Variants in SAP130 observed in about 807,000 individuals in gnomAD.
SAP130 encodes histone deacetylase complex subunit SAP130.
Under a neutral mutation model 103.2 loss-of-function variants are expected in SAP130, and 16 were observed. The observed-to-expected ratio is 0.16, with a 90% confidence interval of 0.10 to 0.24. SAP130 has a LOEUF of 0.24. SAP130 is among the 10% of genes least tolerant of loss of function. The pLI, the probability that SAP130 is intolerant of heterozygous loss-of-function variation, is 1.00. For missense variants in SAP130, 990 were observed against 1,359.7 expected (o/e 0.73, Z 4.28); for synonymous variants, 477 against 497.0 (o/e 0.96, Z 0.53).
rs1685649769 is a variant in SAP130, at chr2:128,028,056, C to T, written c.-123G>A. The T allele has an allele frequency of 2.4e-6, 2 of 837,950 alleles. No individual in the cohort carries two copies. The highest frequency in any genetic ancestry group is 2.9e-6 in the Non-Finnish European group (2 of 694,856). The allele number at this position is 837,950 out of a possible 1,614,324, so 51.9% of individuals were successfully genotyped here. The stretch of plus-strand genomic sequence containing the variant: ...CGCAGCCACCGCCGGGGAGCTAGCA[C>T]TCTGCCCCCCACCCCTCACTCCAGC... On this transcript the variant is annotated 5_prime_UTR_variant, in exon 1 of 21. In the 5' UTR this introduces an upstream ATG that the reference lacks. Coordinates refer to ENST00000643581, the MANE Select transcript of SAP130 (RefSeq NM_001330301.2).
chr2:128,021,243 T>C (rs972078511), intron 2 of SAP130, among the ~76,000 whole-genome samples: 7 of 151,822 alleles, frequency 4.6e-5, no homozygotes, highest in African/African-American at 1.7e-4. Context: ...AGTCAGGAGT[T>C]TGAGACCAGC....
At chr2:127,948,951 G>A (rs1679311065) in intron 18 of SAP130, among the ~76,000 whole-genome samples, 1 of 152,102 alleles carries the variant, frequency 6.6e-6, no homozygotes, top group African/African-American at 2.4e-5. Context: ...GATGTTTAGT[G>A]GTTCATATCC....
chr2:127,995,261 T>C (rs540904270), intron 11 of SAP130, among the ~76,000 whole-genome samples: 2 of 152,310 alleles, frequency 1.3e-5, no homozygotes, highest in African/African-American at 4.8e-5. Flanking sequence ...AGGGGCTCCT[T>C]GGAGAAACAG....
chr2:127,956,313 T>G (rs1480893091), intron 15 of SAP130, among the ~76,000 whole-genome samples: 1 of 152,184 alleles, frequency 6.6e-6, no homozygotes, highest in Non-Finnish European at 1.5e-5. Flanking sequence ...TGTAATAGCC[T>G]TTATGAAAAT....
chr2:127,941,835 A>AGCTCTGATCCGT lies in SAP130; in HGVS notation c.*170_*171insACGGATCAGAGC, dbSNP rs1678733221. ...AGAAGGCAGCTCACTATGTCCAGTCAGCTCTGATCCTTTCACGCCCTTGGA... is the reference window on the plus strand; with the variant it reads ...AGAAGGCAGCTCACTATGTCCAGTCAGCTCTGATCCGTGCTCTGATCCTTTCACGCCCTTGGA... On this transcript the variant is annotated 3_prime_UTR_variant, in exon 21 of 21. Transcript: ENST00000643581. 1 of 628,024 alleles carries AGCTCTGATCCGT rather than the reference A, an allele frequency of 1.6e-6. No individual in the cohort carries two copies. The highest frequency in any genetic ancestry group is 2.7e-6 in the Non-Finnish European group (1 of 367,482). The allele number at this position is 628,024 out of a possible 1,614,324, so 38.9% of individuals were successfully genotyped here. A position where few individuals can be genotyped will look rare whatever the true frequency, so the allele number is the denominator to read the frequency against.
intron 15 of SAP130, among the ~76,000 whole-genome samples, chr2:127,959,270 CA>C (rs757880199): frequency 6.6e-6 from 1 of 151,152 alleles, no homozygotes; most frequent in African/African-American, 2.4e-5. Context: ...AGAGCAGAGA[CA>C]AAAAAAAGTC....
chr2:128,011,790 T>C (rs1684414308), intron 6 of SAP130, among the ~76,000 whole-genome samples: 2 of 152,206 alleles, frequency 1.3e-5, no homozygotes, highest in African/African-American at 4.8e-5. Flanking sequence ...ACCTCCTGTA[T>C]GTGATTCAGC....
At chr2:127,999,647 G>A in intron 10 of SAP130, 94 bp downstream of exon 10, 3 of 578,790 alleles carry the variant, frequency 5.2e-6, no homozygotes, top group South Asian at 5.1e-5. Flanking sequence ...ATCAACAATG[G>A]TAAAAATCAA....
Position 127,941,700 on chromosome 2 carries a change from T to C in SAP130, c.*306A>G. On this transcript the variant is annotated 3_prime_UTR_variant, in exon 21 of 21. Transcript: ENST00000643581. ...AAATACAGTCTATAAACCGGAAGGC[T>C]GAAAAACACCAGCCAGCCATCCTTG... 8.0e-6 allele frequency: 3 copies of C among 374,638 alleles called. No homozygotes were observed. Among genetic ancestry groups the C allele is most frequent in the Non-Finnish European group, 1.4e-5 (3 of 209,322 alleles). 23.2% of individuals were successfully genotyped at this position (374,638 alleles called of 1,614,324 possible).
At chr2:127,985,022 C>A (rs1273153848) in intron 14 of SAP130, among the ~76,000 whole-genome samples, 1 of 152,246 alleles carries the variant, frequency 6.6e-6, no homozygotes, top group Non-Finnish European at 1.5e-5. Context: ...TGGTTCTCAA[C>A]TTTCCCCTAC....
At position 127,975,871 on chromosome 2, in the gene SAP130, C is replaced by G. The variant is rs185453798; in HGVS notation, c.2063+2114G>C. Among the ~76,000 whole-genome samples the G allele has an allele frequency of 9.1e-3, 1,387 of 152,214 alleles. 9 individuals are homozygous for G. The highest frequency in any genetic ancestry group is 0.012 in the Non-Finnish European group (812 of 67,996). ...CATTTAATGAAGTCTTGGAGATGTT[C>G]CACGACACTGTCACCCAGGCTGGAG... On this transcript the variant is annotated intron_variant, in intron 15 of 20. Coordinates refer to ENST00000643581, the MANE Select transcript of SAP130 (RefSeq NM_001330301.2).
At position 127,955,249 on chromosome 2, in the gene SAP130, A is replaced by G; in HGVS notation, c.2159T>C (p.Ile720Thr). The G allele has an allele frequency of 6.2e-7, 1 of 1,614,104 alleles. No homozygotes were observed. Among genetic ancestry groups the G allele is most frequent in the Non-Finnish European group, 8.5e-7 (1 of 1,179,998 alleles). Residue 720 changes from isoleucine to threonine, a missense_variant, in exon 16 of 21, where the codon ATT becomes ACT. By Grantham distance (89) the Ile-to-Thr change is moderately conservative. Transcript: ENST00000643581. This position sits in a 1 kb window ranked among gnomAD's most constrained non-coding sequence, Gnocchi z 4.9. ...VSNQNNDQPTIAVPPTAQQPP... is the reference protein window; with the variant it reads ...VSNQNNDQPTTAVPPTAQQPP... ...CTGCTGGGCAGTTGGAGGGACGGCAATGGTAGGCTGATCATTATTTTGATT... is the reference window on the plus strand; with the variant it reads ...CTGCTGGGCAGTTGGAGGGACGGCAGTGGTAGGCTGATCATTATTTTGATT...
chr2:127,947,242 C>T (rs1236922932), intron 18 of SAP130, among the ~76,000 whole-genome samples: 1 of 151,992 alleles, frequency 6.6e-6, no homozygotes, highest in Admixed American at 6.6e-5. Flanking sequence ...ACTTCTAGCC[C>T]CCAGAACCAT....
chr2:128,017,575 T>C (rs1427131221), intron 3 of SAP130, 105 bp downstream of exon 3: 2 of 1,000,744 alleles, frequency 2.0e-6, no homozygotes, highest in Non-Finnish European at 1.5e-6. Flanking sequence ...AAAGAAAAAA[T>C]GAAATGTGAT....
chr2:128,027,772 C>G (rs1472381929), intron 1 of SAP130, among the ~76,000 whole-genome samples, 168 bp downstream of exon 1: 3 of 152,154 alleles, frequency 2.0e-5, no homozygotes, highest in African/African-American at 7.2e-5. Context: ...TGTCGCCGGC[C>G]CAACCGCCGT....
chr2:128,014,693 T>C (rs1684650535), intron 5 of SAP130, 110 bp downstream of exon 5: 1 of 791,852 alleles, frequency 1.3e-6, no homozygotes, highest in Non-Finnish European at 2.1e-6. Context: ...CAGACTGTTG[T>C]TCTGCAACTT....
At chr2:127,971,165 C>A (rs912399775) in intron 15 of SAP130, among the ~76,000 whole-genome samples, 14 of 152,122 alleles carry the variant, frequency 9.2e-5, no homozygotes, top group African/African-American at 3.4e-4. Flanking sequence ...ATTGCCCAGG[C>A]TGATATCGAA....
chr2:127,955,186 C>T lies in SAP130; in HGVS notation c.2222G>A (p.Ser741Asn). The change falls in exon 16 of 21, where the codon AGT becomes AAT. Residue 741 changes from serine (S) to asparagine (N), a missense_variant. This residue lies in a region of SAP130 where 349 missense variants were observed against 384.1 expected (regional missense o/e 0.91). Transcript: ENST00000643581. This position sits in a 1 kb window ranked among gnomAD's most constrained non-coding sequence, Gnocchi z 4.9. The stretch of plus-strand genomic sequence containing the variant: ...GGCAACGGCTGGTTGTGACGGGGGA[C>T]TGGCTGCTGCAATCATAGTTGGAAT... The part of the protein sequence containing the change: ...PTIPTMIAAA[S>N]PPSQPAVALS... The T allele has an allele frequency of 1.2e-6, 2 of 1,614,108 alleles. No homozygotes were observed. The highest frequency in any genetic ancestry group is 1.7e-6 in the Non-Finnish European group (2 of 1,180,008).
At chr2:127,969,544 A>C (rs1362030247) in intron 15 of SAP130, among the ~76,000 whole-genome samples, 1 of 152,224 alleles carries the variant, frequency 6.6e-6, no homozygotes, top group Non-Finnish European at 1.5e-5. Context: ...TAGAGCTACC[A>C]CAACAAATCA....
Sources: gnomAD v4.1 joint callset for allele counts (sites outside exome capture counted in the v4.1 genomes callset) on GRCh38, gnomAD v4.1.1 for gene constraint, gnomAD v4.1.1 regional missense constraint, Gnocchi (gnomAD v3.1) non-coding constraint, MANE v1.5 for transcripts, NCBI Gene and HGNC (gene_info 2026-07-23, HGNC 2026-07-21) for gene names.